WWOX: variants seen among roughly 807,000 people sequenced by gnomAD.
WWOX encodes the protein WW domain-containing oxidoreductase.
A neutral mutation model predicts 46.2 loss-of-function variants in WWOX; 69 were observed. The ratio of observed to expected loss-of-function variants is 1.49; its 90% CI spans 1.23 to 1.82. The LOEUF is 1.82. Among genes scored for constraint, WWOX ranks in the 40% most tolerant of loss-of-function variants. The pLI, the probability that WWOX is intolerant of heterozygous loss-of-function variation, is 0.00. For synonymous variants in WWOX, 359 were observed against 202.6 expected, an observed-to-expected ratio of 1.77 and a Z score of -6.56; for missense variants, 919 against 542.6, an observed-to-expected ratio of 1.69 and a Z score of -6.89.
chr16:78,797,041 G>T (rs975215592), intron 8 of WWOX, among the ~76,000 whole-genome samples: 1 of 151,938 alleles, frequency 6.6e-6, no homozygotes, highest in Non-Finnish European at 1.5e-5. Flanking sequence ...GGCCAGTCTG[G>T]TCTGGAACAC....
At chr16:78,795,023 T>A (rs1001744995) in intron 8 of WWOX, among the ~76,000 whole-genome samples, 8 of 152,226 alleles carry the variant, frequency 5.3e-5, no homozygotes, top group African/African-American at 9.6e-5. Flanking sequence ...TTAACACTGA[T>A]CTTTGAGCTG....
intron 3 of WWOX, among the ~76,000 whole-genome samples, chr16:78,113,816 G>C (rs1234943672): frequency 6.6e-6 from 1 of 152,068 alleles, no homozygotes. Context: ...CACAAATTAA[G>C]GTTGTTATAA....
intron 8 of WWOX, among the ~76,000 whole-genome samples, chr16:78,703,663 A>G (rs1200157848): frequency 2.0e-5 from 3 of 152,006 alleles, no homozygotes; most frequent in Admixed American, 2.0e-4. Flanking sequence ...TTTTGGAAAA[A>G]GAAAGAATCA....
intron 8 of WWOX, among the ~76,000 whole-genome samples, chr16:78,999,362 C>T (rs1002651640): frequency 6.6e-5 from 10 of 151,988 alleles, no homozygotes; most frequent in African/African-American, 1.4e-4. Context: ...CCCAGCTACT[C>T]GAGAGGCTGA....
At chr16:78,747,920 T>C (rs553662879) in intron 8 of WWOX, among the ~76,000 whole-genome samples, 2 of 152,174 alleles carry the variant, frequency 1.3e-5, no homozygotes, top group African/African-American at 2.4e-5. Context: ...GATGCCTGAG[T>C]TTTTCTTAGA....
chr16:78,930,963 G>A (rs916220162), intron 8 of WWOX, among the ~76,000 whole-genome samples: 4 of 152,176 alleles, frequency 2.6e-5, no homozygotes, highest in Admixed American at 2.6e-4. Flanking sequence ...ACCTGGACAT[G>A]TCACTAGCAG....
chr16:78,795,924 A>C (rs921494541), intron 8 of WWOX, among the ~76,000 whole-genome samples: 6 of 152,228 alleles, frequency 3.9e-5, no homozygotes, highest in Admixed American at 3.9e-4. Flanking sequence ...TAAGTAAGCG[A>C]ACGAAATGGA....
intron 4 of WWOX, among the ~76,000 whole-genome samples, chr16:78,163,321 T>G (rs1002169343): frequency 2.0e-5 from 3 of 152,212 alleles, no homozygotes; most frequent in African/African-American, 7.2e-5. Flanking sequence ...AAGCTGAGTT[T>G]CCACTCTTGT....
At chr16:78,386,135 C>CT (rs1196353312) in intron 5 of WWOX, among the ~76,000 whole-genome samples, 3 of 152,174 alleles carry the variant, frequency 2.0e-5, no homozygotes, top group African/African-American at 7.2e-5. Flanking sequence ...TCTGTGATCT[C>CT]TTGTAAGATG....
chr16:78,114,694 G>T lies in WWOX; in HGVS notation c.231-282G>T, dbSNP rs376118815. The stretch of plus-strand genomic sequence containing the variant: ...TAAAAGCCCAAAACCTTCTCAAGAA[G>T]CCTTTTTTGAGATCTAAGGATACAT... On this transcript the variant is annotated intron_variant, in intron 3 of 8. Coordinates refer to ENST00000566780, the MANE Select transcript of WWOX (RefSeq NM_016373.4). Among the ~76,000 whole-genome samples the T allele has an allele frequency of 2.0e-5, 3 of 152,130 alleles. No individual in the cohort carries two copies. In the East Asian group the frequency reaches 5.8e-4, roughly 29 times the overall value.
chr16:78,741,838 G>C (rs1174678531), intron 8 of WWOX, among the ~76,000 whole-genome samples: 10 of 152,266 alleles, frequency 6.6e-5, no homozygotes, highest in African/African-American at 2.4e-4. Context: ...CTGGGCGGCA[G>C]AGTGAGACGC....
At chr16:78,806,584 A>G (rs141683751) in intron 8 of WWOX, among the ~76,000 whole-genome samples, 15 of 152,174 alleles carry the variant, frequency 9.9e-5, no homozygotes, top group Admixed American at 4.6e-4. Context: ...GAACACCTAC[A>G]CATTGTCTCC....
intron 8 of WWOX, among the ~76,000 whole-genome samples, chr16:79,115,381 A>T (rs2049495737): frequency 1.3e-5 from 2 of 152,190 alleles, no homozygotes; most frequent in Non-Finnish European, 2.9e-5. Flanking sequence ...GTGGTCAGTA[A>T]GTAGGAAAGA....
chr16:78,401,155 A>G (rs1483016173), intron 6 of WWOX, among the ~76,000 whole-genome samples: 1 of 152,360 alleles, frequency 6.6e-6, no homozygotes, highest in African/African-American at 2.4e-5. Flanking sequence ...TAGACCTTCC[A>G]TAGGAAAAAT....
intron 8 of WWOX, among the ~76,000 whole-genome samples, chr16:78,451,979 C>A (rs11861181): frequency 6.6e-6 from 1 of 152,118 alleles, no homozygotes; most frequent in East Asian, 1.9e-4. Context: ...CATATTAATG[C>A]AATGGTTAGC....
chr16:78,681,389 G>A (rs1056984354), intron 8 of WWOX, among the ~76,000 whole-genome samples: 6 of 152,174 alleles, frequency 3.9e-5, no homozygotes, highest in Admixed American at 6.5e-5. Context: ...GGGTGACAGA[G>A]CGAGACTCTG....
chr16:78,643,404 C>T lies in WWOX; in HGVS notation c.1056+210652C>T, dbSNP rs1323234317. Among the ~76,000 whole-genome samples the T allele has an allele frequency of 4.6e-5, 7 of 152,260 alleles. No homozygotes were observed. The East Asian group carries it at 9.7e-4, about 21-fold the overall frequency. ...AAATTTCCAGTGGCTAGTTCAGGGA[C>T]AGTGCCGGGGCTTGAACCCCTGTCT... On this transcript the variant is annotated intron_variant, in intron 8 of 8. Transcript: ENST00000566780.
In WWOX at chr16:78,932,002, T is replaced by C. The variant is rs111943117; in HGVS notation, c.1057-279606T>C. 2.7e-3 allele frequency among the ~76,000 whole-genome samples: 411 copies of C among 152,348 alleles called. 3 individuals carry two copies. Among genetic ancestry groups the C allele is most frequent in the African/African-American group, 8.9e-3 (371 of 41,582 alleles). Reference sequence around the variant, plus strand: ...CTTGCCTGCTGCCATTTAAGACATGTGTTTGCTCCACATTGGCCTTCTGCC... The same window carrying C: ...CTTGCCTGCTGCCATTTAAGACATGCGTTTGCTCCACATTGGCCTTCTGCC... On this transcript the variant is annotated intron_variant, in intron 8 of 8. Coordinates refer to ENST00000566780, the MANE Select transcript of WWOX (RefSeq NM_016373.4).
chr16:78,629,371 G>T (rs370253654), intron 8 of WWOX, among the ~76,000 whole-genome samples: 1 of 152,074 alleles, frequency 6.6e-6, no homozygotes, highest in Non-Finnish European at 1.5e-5. Context: ...GTATATAGCA[G>T]TGTTGTCAGT....
Sources: gnomAD v4.1 joint callset for allele counts (sites outside exome capture counted in the v4.1 genomes callset) on GRCh38, gnomAD v4.1.1 for gene constraint, MANE v1.5 for transcripts, NCBI Gene and HGNC (gene_info 2026-07-23, HGNC 2026-07-21) for gene names.